SHISA9: variants seen among roughly 807,000 people sequenced by gnomAD.
SHISA9 encodes shisa family member 9.
SHISA9 carries 13 observed loss-of-function variants against 38.0 expected under a neutral mutation model. The ratio of observed to expected loss-of-function variants is 0.34; its 90% CI spans 0.22 to 0.54. SHISA9 has a LOEUF of 0.54. SHISA9 is among the 20% of genes least tolerant of loss of function. SHISA9 has a pLI of 0.91. For missense variants in SHISA9, 538 were observed against 575.8 expected (o/e 0.93, Z 0.67); for synonymous variants, 275 against 242.0 (o/e 1.14, Z -1.27).
At chr16:13,190,596 C>A (rs756179807) in intron 2 of SHISA9, among the ~76,000 whole-genome samples, 3 of 152,162 alleles carry the variant, frequency 2.0e-5, no homozygotes, top group African/African-American at 2.4e-5. Context: ...CTCTGTTTTG[C>A]TGCTTCACAT....
chr16:13,030,337 C>G (rs1371412770), intron 2 of SHISA9, among the ~76,000 whole-genome samples: 1 of 152,136 alleles, frequency 6.6e-6, no homozygotes, highest in African/African-American at 2.4e-5. Flanking sequence ...CTGGGAGCAG[C>G]CCCCAGCCAA....
At chr16:13,472,377 A>ATT in the SHISA9 span, among the ~76,000 whole-genome samples, 2,035 of 55,532 alleles carry the variant, frequency 0.037, 381 homozygotes, top group Admixed American at 0.047. Flanking sequence ...GCTCTGCTAA[A>ATT]TTTTTTTTTT....
chr16:13,542,465 G>A, the SHISA9 span, among the ~76,000 whole-genome samples: 1 of 152,138 alleles, frequency 6.6e-6, no homozygotes, highest in Non-Finnish European at 1.5e-5. Context: ...GTTCAGAGAG[G>A]GTAAGTGAGT....
At position 13,157,208 on chromosome 16, in the gene SHISA9, C is replaced by T. The variant is rs1401275819; in HGVS notation, c.692-46186C>T. ...TCCCACTAAGATGCTTTATGTGGTG[C>T]TGAGTGCTGGGCTATAAGAAAGATT... On this transcript the variant is annotated intron_variant, in intron 2 of 4. Coordinates refer to ENST00000558583, the MANE Select transcript of SHISA9 (RefSeq NM_001145204.3). 7.2e-5 allele frequency among the ~76,000 whole-genome samples: 11 copies of T among 152,170 alleles called. No homozygotes were observed. The East Asian group carries it at 2.1e-3, about 29-fold the overall frequency.
At chr16:13,295,894 C>T in the SHISA9 span, among the ~76,000 whole-genome samples, 1,701 of 152,216 alleles carry the variant, frequency 0.011, 24 homozygotes, top group African/African-American at 0.037. Context: ...AAATTTCTGT[C>T]GGAGCTTTTC....
intron 2 of SHISA9, among the ~76,000 whole-genome samples, chr16:13,166,443 CA>C (rs1567232943): frequency 6.6e-6 from 1 of 152,134 alleles, no homozygotes; most frequent in South Asian, 2.1e-4. Context: ...TTAGCATGGC[CA>C]AAAAGGCAAG....
At chr16:13,065,099 C>T (rs1470567772) in intron 2 of SHISA9, among the ~76,000 whole-genome samples, 6 of 152,156 alleles carry the variant, frequency 3.9e-5, no homozygotes, top group African/African-American at 1.4e-4. Flanking sequence ...CCTTTATCTC[C>T]CCTAGATCTC....
chr16:13,234,256 T>C (rs980572047), intron 4 of SHISA9, among the ~76,000 whole-genome samples: 2 of 152,208 alleles, frequency 1.3e-5, no homozygotes, highest in Non-Finnish European at 2.9e-5. Flanking sequence ...GAAGAAATGC[T>C]TGATAGAACA....
At chr16:13,133,623 C>T (rs964172891) in intron 2 of SHISA9, among the ~76,000 whole-genome samples, 1 of 152,124 alleles carries the variant, frequency 6.6e-6, no homozygotes, top group Non-Finnish European at 1.5e-5. Flanking sequence ...AATGCCAGTC[C>T]CCTCCAGCTG....
chr16:13,047,214 T>C (rs1451328129), intron 2 of SHISA9, among the ~76,000 whole-genome samples: 3 of 152,116 alleles, frequency 2.0e-5, no homozygotes, highest in African/African-American at 7.2e-5. Context: ...GCAGTTTTCT[T>C]AGAGGTTTAA....
chr16:13,427,297 G>A, the SHISA9 span, among the ~76,000 whole-genome samples: 139 of 152,346 alleles, frequency 9.1e-4, no homozygotes, highest in African/African-American at 3.2e-3. Context: ...AAAGAGGAAA[G>A]AGAAGCTAAG....
the SHISA9 span, among the ~76,000 whole-genome samples, chr16:13,409,612 A>C: frequency 3.9e-5 from 6 of 152,188 alleles, no homozygotes; most frequent in Non-Finnish European, 7.3e-5. Flanking sequence ...GCTTATAGTG[A>C]CTTAACTATA....
the SHISA9 span, among the ~76,000 whole-genome samples, chr16:13,446,747 C>T: frequency 9.2e-5 from 14 of 151,994 alleles, no homozygotes; most frequent in East Asian, 9.7e-4. Context: ...GAGGCCGAGG[C>T]GGGTGGATCA....
the SHISA9 span, among the ~76,000 whole-genome samples, chr16:13,417,009 G>A: frequency 2.4e-4 from 37 of 152,192 alleles, no homozygotes; most frequent in Non-Finnish European, 5.0e-4. Flanking sequence ...AAAACTCAGT[G>A]TTCACTGAGA....
intron 2 of SHISA9, among the ~76,000 whole-genome samples, chr16:12,979,471 C>G (rs2072211845): frequency 6.6e-6 from 1 of 152,118 alleles, no homozygotes; most frequent in South Asian, 2.1e-4. Context: ...AGCCCATGCT[C>G]CAAACGAAAG....
chr16:13,558,412 C>G, the SHISA9 span, among the ~76,000 whole-genome samples: 41 of 152,146 alleles, frequency 2.7e-4, no homozygotes, highest in Admixed American at 1.6e-3. Context: ...AAGTCACCAC[C>G]AACTCCCAAT....
At chr16:12,959,592 G>A (rs571677839) in intron 2 of SHISA9, among the ~76,000 whole-genome samples, 4 of 144,546 alleles carry the variant, frequency 2.8e-5, no homozygotes, top group Non-Finnish European at 6.3e-5. Flanking sequence ...TCCCTCTATA[G>A]GGGTCAAAAA....
intron 2 of SHISA9, among the ~76,000 whole-genome samples, chr16:12,920,035 G>T (rs2071307802): frequency 6.6e-6 from 1 of 152,180 alleles, no homozygotes; most frequent in Admixed American, 6.5e-5. Context: ...CGGGGTTCAG[G>T]CTGCATGTAG....
At chr16:13,552,715 A>AT in the SHISA9 span, among the ~76,000 whole-genome samples, 2 of 151,776 alleles carry the variant, frequency 1.3e-5, no homozygotes, top group African/African-American at 4.8e-5. Context: ...GAATAATGAG[A>AT]TTTTTTTTAA....
Sources: gnomAD v4.1 joint callset for allele counts (sites outside exome capture counted in the v4.1 genomes callset) on GRCh38, gnomAD v4.1.1 for gene constraint, MANE v1.5 for transcripts, NCBI Gene and HGNC (gene_info 2026-07-23, HGNC 2026-07-21) for gene names.